The following PALS2 variants were observed in gnomAD, a reference collection of about 807,000 sequenced individuals.
PALS2 encodes protein PALS2.
PALS2 carries 27 observed loss-of-function variants against 61.6 expected under a neutral mutation model. That is an observed-to-expected ratio of 0.44 (90% CI 0.32 to 0.60). PALS2 has a LOEUF of 0.60. Among genes scored for constraint, PALS2 ranks in the 20% least tolerant of loss-of-function variants. PALS2 has a pLI of 0.05. For missense variants in PALS2, 554 were observed against 639.4 expected, an observed-to-expected ratio of 0.87 and a Z score of 1.44; for synonymous variants, 236 against 218.6, an observed-to-expected ratio of 1.08 and a Z score of -0.70.
chr7:24,657,956 C>CT (rs1427904927), intron 5 of PALS2, among the ~76,000 whole-genome samples: 3 of 152,092 alleles, frequency 2.0e-5, no homozygotes, highest in Non-Finnish European at 4.4e-5. Flanking sequence ...GTTGAAAAGA[C>CT]TATTTCTTTC....
At position 24,679,190 on chromosome 7, in the gene PALS2, C is replaced by A; in HGVS notation, c.1174C>A (p.Arg392=). The change falls in exon 10 of 12, where the codon CGA becomes AGA. Residue 392 remains arginine, a synonymous_variant. Coordinates refer to ENST00000222644, the MANE Select transcript of PALS2 (RefSeq NM_001303037.2). ...KDGQAYKFVS[R]SEMEADIKAG... Reference sequence around the variant, plus strand: ...TGGCCAGGCATATAAGTTTGTGTCACGATCTGAGATGGAAGCAGATATTAA... The same window carrying A: ...TGGCCAGGCATATAAGTTTGTGTCAAGATCTGAGATGGAAGCAGATATTAA... 6.2e-7 allele frequency: 1 copy of A among 1,613,900 alleles called. No homozygotes were observed. Among genetic ancestry groups the A allele is most frequent in the Non-Finnish European group, 8.5e-7 (1 of 1,179,850 alleles).
In PALS2 at chr7:24,623,200, G is replaced by A. The variant is rs538551691; in HGVS notation, c.-2-466G>A. 1.3e-4 allele frequency among the ~76,000 whole-genome samples: 17 copies of A among 128,326 alleles called. No homozygotes were observed. The East Asian group carries it at 2.6e-3, about 20-fold the overall frequency. 84.2% of individuals were successfully genotyped at this position (128,326 alleles called of 152,430 possible). ...GTTGGAAGGTGTTTCCTTCTCTTCC[G>A]TTTTTTTTTTTTTTTTGAAGGAGTT... On this transcript the variant is annotated intron_variant, in intron 1 of 11. Coordinates refer to ENST00000222644, the MANE Select transcript of PALS2 (RefSeq NM_001303037.2).
chr7:24,638,679 G>T (rs888348794), intron 2 of PALS2, among the ~76,000 whole-genome samples: 2 of 152,050 alleles, frequency 1.3e-5, no homozygotes, highest in Admixed American at 6.6e-5. Flanking sequence ...GAACCAAACT[G>T]TGAGGCTGAT....
intron 11 of PALS2, among the ~76,000 whole-genome samples, chr7:24,683,463 G>T (rs535955116): frequency 5.4e-4 from 81 of 151,140 alleles, no homozygotes; most frequent in Middle Eastern, 3.5e-3. Flanking sequence ...TATTTTTATT[G>T]ATGCTAAGAT....
In PALS2 at chr7:24,679,250, G is replaced by A. The variant is rs1393347790; in HGVS notation, c.1234G>A (p.Gly412Arg). 5 of 1,613,878 alleles carry A rather than the reference G, an allele frequency of 3.1e-6. No homozygotes were observed. In the South Asian group the frequency reaches 5.5e-5, roughly 18 times the overall value. ...GTATTTGGAACATGGGGAATATGAA[G>A]GAAATCTCTATGGAACCAAAATTGA... is the stretch of plus-strand genomic sequence containing the variant. The part of the protein sequence containing the change: ...GKYLEHGEYE[G>R]NLYGTKIDSI... Residue 412 changes from glycine (G) to arginine (R), a missense_variant, in exon 10 of 12, where the codon GGA becomes AGA. Physicochemically the swap from Gly to Arg is moderately radical, Grantham distance 125. Transcript: ENST00000222644.
intron 1 of PALS2, among the ~76,000 whole-genome samples, chr7:24,594,626 C>T (rs540589738): frequency 1.3e-5 from 2 of 152,062 alleles, no homozygotes; most frequent in African/African-American, 4.8e-5. Context: ...GAGGAATGGC[C>T]AGTTGGTAGA....
In PALS2 at chr7:24,694,164, T is replaced by C. The variant is rs977872369; in HGVS notation, c.*6550T>C. ...CTGTATAAAAGAAACATTATTGCTG[T>C]TGTATAAATAAAATTTTCCTGTGGT... On this transcript the variant is annotated 3_prime_UTR_variant, in exon 12 of 12. Transcript: ENST00000222644. 7.9e-5 allele frequency: 12 copies of C among 152,328 alleles called. No homozygotes were observed. Among genetic ancestry groups the C allele is most frequent in the Middle Eastern group, 3.4e-3 (1 of 294 alleles). 9.4% of individuals were successfully genotyped at this position (152,328 alleles called of 1,614,324 possible). A position where few individuals can be genotyped will look rare whatever the true frequency, so the allele number is the denominator to read the frequency against.
At chr7:24,580,227 T>G (rs1470199003) in intron 1 of PALS2, among the ~76,000 whole-genome samples, 3 of 152,196 alleles carry the variant, frequency 2.0e-5, no homozygotes, top group Non-Finnish European at 4.4e-5. Context: ...ATGAAGTGAC[T>G]CTGGCAGGGA....
At chr7:24,579,680 G>A (rs1181039915) in intron 1 of PALS2, among the ~76,000 whole-genome samples, 1 of 151,962 alleles carries the variant, frequency 6.6e-6, no homozygotes, top group Non-Finnish European at 1.5e-5. Context: ...GTAGCACTAA[G>A]TAAAGATTTA....
intron 1 of PALS2, among the ~76,000 whole-genome samples, chr7:24,581,222 C>G (rs1004903447): frequency 4.0e-5 from 6 of 150,378 alleles, no homozygotes; most frequent in Non-Finnish European, 5.9e-5. Flanking sequence ...AATCTTTCAG[C>G]TCTGTGTCTT....
chr7:24,686,315 T>C (rs1215120129), intron 11 of PALS2, among the ~76,000 whole-genome samples: 8 of 152,172 alleles, frequency 5.3e-5, no homozygotes, highest in Non-Finnish European at 1.2e-4. Context: ...CTTCCACTCA[T>C]GTCATGCCAC....
chr7:24,689,734 CT>C lies in PALS2; in HGVS notation c.*2122del, dbSNP rs1211216741. On this transcript the variant is annotated 3_prime_UTR_variant, in exon 12 of 12. Coordinates refer to ENST00000222644, the MANE Select transcript of PALS2 (RefSeq NM_001303037.2). The stretch of plus-strand genomic sequence containing the variant: ...AAACTACATGTGTTTACACCAAATT[CT>C]TGGCTTCTCAAAGCAACATGAATTA... The C allele has an allele frequency of 1.3e-5, 2 of 152,152 alleles. No individual in the cohort carries two copies. Among genetic ancestry groups the C allele is most frequent in the Non-Finnish European group, 2.9e-5 (2 of 68,022 alleles). 9.4% of individuals were successfully genotyped at this position (152,152 alleles called of 1,614,324 possible).
intron 1 of PALS2, chr7:24,620,238 C>T (rs187747210): frequency 3.9e-5 from 6 of 152,274 alleles, no homozygotes; most frequent in African/African-American, 1.4e-4. Context: ...ACTGCAGAAT[C>T]ACTTGTACTA....
chr7:24,666,622 G>A (rs1787031264), intron 8 of PALS2, among the ~76,000 whole-genome samples: 1 of 152,112 alleles, frequency 6.6e-6, no homozygotes, highest in African/African-American at 2.4e-5. Context: ...TATATGAGGT[G>A]ATGGATATGT....
intron 2 of PALS2, among the ~76,000 whole-genome samples, chr7:24,639,817 T>A (rs988762867): frequency 2.4e-5 from 3 of 125,242 alleles, no homozygotes; most frequent in African/African-American, 9.3e-5. Context: ...TAGTCTAATT[T>A]TTTTTTTTTT....
At position 24,601,929 on chromosome 7, in the gene PALS2, T is replaced by C. The variant is rs796639630; in HGVS notation, c.-2-21737T>C. On this transcript the variant is annotated intron_variant, in intron 1 of 11. Coordinates refer to ENST00000222644, the MANE Select transcript of PALS2 (RefSeq NM_001303037.2). ...AATATGAGTCCATTTTCATCTGTTTTGCTGGGTGCTCAGTGTACTCCAGCA... is the reference window on the plus strand; with the variant it reads ...AATATGAGTCCATTTTCATCTGTTTCGCTGGGTGCTCAGTGTACTCCAGCA... 4.2e-4 allele frequency among the ~76,000 whole-genome samples: 64 copies of C among 152,284 alleles called. 1 individual carries two copies. Among genetic ancestry groups the C allele is most frequent in the African/African-American group, 1.5e-3 (62 of 41,574 alleles).
At chr7:24,604,838 C>T (rs78355375) in intron 1 of PALS2, among the ~76,000 whole-genome samples, 10,179 of 152,168 alleles carry the variant, frequency 0.067, 404 homozygotes, top group African/African-American at 0.11. Flanking sequence ...GCATATGAAT[C>T]TGGGAGGGAC....
chr7:24,637,296 C>CT (rs35499781), intron 2 of PALS2, among the ~76,000 whole-genome samples: 20,717 of 109,372 alleles, frequency 0.19, 2,029 homozygotes, highest in Admixed American at 0.26. Context: ...ACTTACTCAT[C>CT]TTTTTTTTTT....
At chr7:24,646,366 T>G (rs1041753579) in intron 3 of PALS2, among the ~76,000 whole-genome samples, 1 of 152,020 alleles carries the variant, frequency 6.6e-6, no homozygotes, top group South Asian at 2.1e-4. Flanking sequence ...ACATGAAGGG[T>G]TGTTGAATTT....
Sources: allele counts gnomAD v4.1 joint callset (sites outside exome capture counted in the v4.1 genomes callset), GRCh38; gene constraint gnomAD v4.1.1; transcripts MANE v1.5; gene names NCBI Gene and HGNC (gene_info 2026-07-23, HGNC 2026-07-21).